Variants in PCDH15 observed in about 807,000 individuals in gnomAD.
PCDH15 encodes protocadherin related 15.
A neutral mutation model predicts 178.5 loss-of-function variants in PCDH15; 129 were observed. The observed-to-expected ratio is 0.72, with a 90% CI of 0.63 to 0.84. The LOEUF (loss-of-function observed/expected upper bound fraction) is 0.84. Among genes scored for constraint, PCDH15 ranks in the 40% least tolerant of loss-of-function variants. The pLI, the probability that PCDH15 is intolerant of heterozygous loss-of-function variation, is 0.00. For synonymous variants in PCDH15, 800 were observed against 732.0 expected (o/e 1.09, Z -1.50); for missense variants, 2,230 against 2,099.9 (o/e 1.06, Z -1.21).
intron 18 of PCDH15, among the ~76,000 whole-genome samples, chr10:54,026,516 C>T (rs915309346): frequency 7.9e-5 from 12 of 152,174 alleles, no homozygotes; most frequent in Non-Finnish European, 1.8e-4. Context: ...GTCAAGTACA[C>T]ACACATTTTG....
intron 3 of PCDH15, among the ~76,000 whole-genome samples, chr10:54,807,906 C>A (rs7069188): frequency 0.77 from 115,801 of 151,260 alleles, 44,456 homozygotes; most frequent in South Asian, 0.88. Context: ...ACATTGACAG[C>A]CTGTGGAAAA....
chr10:55,172,889 C>T lies in PCDH15; in HGVS notation c.-155-6238G>A, dbSNP rs189582390. Among the ~76,000 whole-genome samples the T allele has an allele frequency of 3.1e-3, 477 of 151,972 alleles. 1 individual carries two copies. The highest frequency in any genetic ancestry group is 0.02 in the South Asian group (95 of 4,822). ...GCTGTTATTAGAAAAAGGGCACCATCTTTGAGAGTTGCAAGCACTTTTAGA... is the reference window on the plus strand; with the variant it reads ...GCTGTTATTAGAAAAAGGGCACCATTTTTGAGAGTTGCAAGCACTTTTAGA... On this transcript the variant is annotated intron_variant, in intron 1 of 5. Coordinates refer to the PCDH15 transcript ENST00000458638.
chr10:55,093,062 C>T (rs1264652657), intron 2 of PCDH15, among the ~76,000 whole-genome samples: 1 of 151,712 alleles, frequency 6.6e-6, no homozygotes, highest in East Asian at 1.9e-4. Flanking sequence ...AGATAAAATA[C>T]CACTGAATCA....
Position 54,296,013 on chromosome 10 carries a change from C to T in PCDH15, c.876+21258G>A, listed in dbSNP as rs1457646860. On this transcript the variant is annotated intron_variant, in intron 8 of 37. Transcript: ENST00000644397. ...ACAAAAAATTAGCCGGGCGTAGTGG[C>T]GGGCGCCTGTGGTCCCAGCTACTTG... is the stretch of plus-strand genomic sequence containing the variant. Among the ~76,000 whole-genome samples the T allele has an allele frequency of 2.1e-4, 31 of 149,884 alleles. 1 individual carries two copies. The highest frequency in any genetic ancestry group is 4.0e-4 in the Non-Finnish European group (27 of 67,158).
intron 25 of PCDH15, among the ~76,000 whole-genome samples, chr10:53,907,769 G>T (rs906995530): frequency 2.6e-5 from 4 of 152,258 alleles, no homozygotes; most frequent in African/African-American, 9.6e-5. Context: ...AGGGGAAAAT[G>T]TAAGTCTTAG....
intron 1 of PCDH15, among the ~76,000 whole-genome samples, chr10:55,182,901 G>C (rs1839690877): frequency 6.6e-6 from 1 of 151,870 alleles, no homozygotes. Flanking sequence ...TTAAATTTTT[G>C]TGATTTTAAA....
chr10:53,973,939 A>C (rs2089973232), intron 21 of PCDH15, among the ~76,000 whole-genome samples: 1 of 152,212 alleles, frequency 6.6e-6, no homozygotes, highest in Non-Finnish European at 1.5e-5. Flanking sequence ...AGGTTACTAA[A>C]TCAAAGTGAG....
intron 2 of PCDH15, among the ~76,000 whole-genome samples, chr10:55,582,381 T>C (rs1168141428): frequency 6.6e-6 from 1 of 152,012 alleles, no homozygotes; most frequent in Non-Finnish European, 1.5e-5. Flanking sequence ...ACTGCTCCTT[T>C]CTTCTTGAGT....
chr10:54,714,452 C>A (rs186707746), intron 1 of PCDH15, among the ~76,000 whole-genome samples: 2 of 152,244 alleles, frequency 1.3e-5, no homozygotes, highest in East Asian at 1.9e-4. Context: ...AAGCTTCACT[C>A]TTTATCCTCA....
intron 3 of PCDH15, among the ~76,000 whole-genome samples, chr10:54,454,984 C>G (rs2076726279): frequency 1.3e-5 from 2 of 152,104 alleles, no homozygotes; most frequent in African/African-American, 4.8e-5. Flanking sequence ...CGATTACTCT[C>G]ATGCTGTTCT....
intron 3 of PCDH15, among the ~76,000 whole-genome samples, chr10:54,514,699 C>T (rs1018087645): frequency 2.1e-5 from 3 of 144,900 alleles, no homozygotes; most frequent in Admixed American, 1.4e-4. Flanking sequence ...TTAACTGAAA[C>T]AAATCTATTC....
chr10:55,177,133 C>A (rs933612222), intron 1 of PCDH15, among the ~76,000 whole-genome samples: 22 of 152,094 alleles, frequency 1.4e-4, no homozygotes, highest in African/African-American at 4.8e-4. Context: ...GGAACCAGGG[C>A]ATTAGGCAAA....
At chr10:54,515,395 A>G (rs913686083) in intron 3 of PCDH15, among the ~76,000 whole-genome samples, 2 of 152,274 alleles carry the variant, frequency 1.3e-5, no homozygotes, top group Admixed American at 6.5e-5. Flanking sequence ...GCAGTCTGAG[A>G]TCAAACTGTA....
At chr10:54,537,620 T>A (rs906804840) in intron 2 of PCDH15, among the ~76,000 whole-genome samples, 1 of 152,228 alleles carries the variant, frequency 6.6e-6, no homozygotes, top group Non-Finnish European at 1.5e-5. Context: ...TGGTTCAATG[T>A]ATGCAATTCA....
At chr10:55,007,160 G>T (rs892049459) in intron 2 of PCDH15, among the ~76,000 whole-genome samples, 8 of 152,126 alleles carry the variant, frequency 5.3e-5, no homozygotes, top group African/African-American at 1.9e-4. Flanking sequence ...TTCCTGTGCA[G>T]CCTACAGAAC....
At chr10:54,490,342 C>T (rs932215183) in intron 3 of PCDH15, among the ~76,000 whole-genome samples, 11 of 151,672 alleles carry the variant, frequency 7.3e-5, no homozygotes, top group South Asian at 4.2e-4. Context: ...CCCAACTACT[C>T]GGGAGGCTGA....
rs61854138 is a variant in PCDH15 at position 54,784,518 on chromosome 10, C to A, written c.-29+16407G>T. On this transcript the variant is annotated intron_variant, in intron 1 of 37. Coordinates refer to ENST00000644397, the MANE Select transcript of PCDH15 (RefSeq NM_001384140.1). ...ATGTCCAGCAAAGCTACTGTTTAGC[C>A]ATGAAGAAGAAGTAAAGTCTTTCCT... Among the ~76,000 whole-genome samples the A allele has an allele frequency of 5.9e-5, 9 of 151,826 alleles. No homozygotes were observed. In the East Asian group the frequency reaches 1.6e-3, roughly 26 times the overall value.
chr10:54,387,968 G>A (rs937315835), intron 3 of PCDH15, among the ~76,000 whole-genome samples: 2 of 152,094 alleles, frequency 1.3e-5, no homozygotes, highest in Non-Finnish European at 2.9e-5. Flanking sequence ...CCAAGGACTT[G>A]GGGAGGGAGT....
At chr10:54,816,577 T>A (rs901644956) in intron 3 of PCDH15, among the ~76,000 whole-genome samples, 2 of 151,842 alleles carry the variant, frequency 1.3e-5, no homozygotes, top group Admixed American at 6.6e-5. Context: ...GGCAGAAAAG[T>A]AAAGGGGAGT....
Sources: allele counts gnomAD v4.1 joint callset (sites outside exome capture counted in the v4.1 genomes callset), GRCh38; gene constraint gnomAD v4.1.1; transcripts MANE v1.5; gene names NCBI Gene and HGNC (gene_info 2026-07-23, HGNC 2026-07-21).